CHD6: variants seen among roughly 807,000 people sequenced by gnomAD.
The protein encoded by CHD6 is chromodomain helicase DNA binding protein 6, also known as ATP-dependent chromatin remodeler CHD6.
A neutral mutation model predicts 276.9 loss-of-function variants in CHD6; 50 were observed. The observed-to-expected ratio is 0.18, with a 90% CI of 0.14 to 0.23. The LOEUF is 0.23. Among genes scored for constraint, CHD6 ranks in the 10% least tolerant of loss-of-function variants. The pLI, the probability that CHD6 is intolerant of heterozygous loss-of-function variation, is 1.00. For missense variants in CHD6, 2,564 were observed against 3,365.8 expected (o/e 0.76, Z 5.89); for synonymous variants, 1,173 against 1,229.3 (o/e 0.95, Z 0.96).
chr20:41,565,238 G>A (rs1260715887), intron 1 of CHD6, among the ~76,000 whole-genome samples: 1 of 151,938 alleles, frequency 6.6e-6, no homozygotes, highest in African/African-American at 2.4e-5. Flanking sequence ...TGGGATTACA[G>A]GTGCCTGCCA....
chr20:41,481,026 C>T (rs1345574859), intron 16 of CHD6, among the ~76,000 whole-genome samples: 1 of 151,786 alleles, frequency 6.6e-6, no homozygotes, highest in East Asian at 1.9e-4. Flanking sequence ...ATGGGAGGAC[C>T]ACTTCAGCCT....
chr20:41,443,331 G>T (rs979707271), intron 25 of CHD6, among the ~76,000 whole-genome samples: 1 of 152,188 alleles, frequency 6.6e-6, no homozygotes, highest in African/African-American at 2.4e-5. Context: ...AGTGATTAGG[G>T]ATTAGGAAAC....
Position 41,416,638 on chromosome 20 carries a change from C to T in CHD6, c.6436G>A (p.Ala2146Thr). Residue 2146 changes from alanine (A) to threonine (T), a missense_variant, in exon 33 of 37, where the codon GCA becomes ACA. Coordinates refer to ENST00000373233, the MANE Select transcript of CHD6 (RefSeq NM_032221.5). ...SRTSLSEPEA[A>T]EHSFSNGAAL... ...GCGCCGTTGCTGAAGCTGTGTTCTG[C>T]TGCTTCCGGCTCTGAGAGGCTGGTT... 6.2e-7 allele frequency: 1 copy of T among 1,613,922 alleles called. No individual in the cohort carries two copies. Among genetic ancestry groups the T allele is most frequent in the Non-Finnish European group, 8.5e-7 (1 of 1,179,962 alleles).
At chr20:41,429,480 C>T (rs1316321578) in intron 27 of CHD6, among the ~76,000 whole-genome samples, 1 of 152,172 alleles carries the variant, frequency 6.6e-6, no homozygotes, top group Non-Finnish European at 1.5e-5. Context: ...CTGAACGCCA[C>T]ATTTTAAGAG....
chr20:41,512,356 G>A (rs986514242), intron 5 of CHD6, among the ~76,000 whole-genome samples: 1 of 152,050 alleles, frequency 6.6e-6, no homozygotes, highest in African/African-American at 2.4e-5. Context: ...AGTGCTTTAA[G>A]GAAGTACACA....
chr20:41,489,659 T>G, intron 12 of CHD6, 119 bp downstream of exon 12: 1 of 1,324,116 alleles, frequency 7.6e-7, no homozygotes, highest in South Asian at 1.3e-5. Flanking sequence ...ACAAACATAT[T>G]ACAAAGTCAT....
At chr20:41,588,632 A>G (rs887561873) in intron 1 of CHD6, among the ~76,000 whole-genome samples, 1 of 152,170 alleles carries the variant, frequency 6.6e-6, no homozygotes, top group African/African-American at 2.4e-5. Context: ...CCAATGATTC[A>G]GTCTCCTACA....
At position 41,415,591 on chromosome 20, in the gene CHD6, C is replaced by A. The variant is rs1027805567; in HGVS notation, c.6534G>T (p.Arg2178Ser). The stretch of plus-strand genomic sequence containing the variant: ...TCTCCACCTCAAACTCATAGGGACG[C>A]CTGTGCTTTTGTTCATCCTTTGTGA... Reference protein sequence around the residue: ...PVFTKDEQKHRRPYEFEVERD... With the variant: ...PVFTKDEQKHSRPYEFEVERD... The change falls in exon 34 of 37, where the codon AGG becomes AGT. Residue 2178 changes from arginine to serine, a missense_variant. By Grantham distance (110) the Arg-to-Ser change is moderately radical (BLOSUM62 -1). This residue lies in a region of CHD6 where 1,024 missense variants were observed against 1,047.9 expected (regional missense o/e 0.98). Transcript: ENST00000373233. The A allele has an allele frequency of 9.5e-5, 153 of 1,611,216 alleles. No individual in the cohort carries two copies. The highest frequency in any genetic ancestry group is 1.2e-4 in the Non-Finnish European group (142 of 1,179,118).
At chr20:41,573,126 G>C (rs2146211891) in intron 1 of CHD6, among the ~76,000 whole-genome samples, 1 of 152,132 alleles carries the variant, frequency 6.6e-6, no homozygotes, top group South Asian at 2.1e-4. Context: ...AGCCAGGATG[G>C]TCTCGATTTC....
intron 3 of CHD6, among the ~76,000 whole-genome samples, chr20:41,516,492 T>G (rs1191541238): frequency 1.3e-5 from 2 of 152,118 alleles, no homozygotes; most frequent in Non-Finnish European, 2.9e-5. Flanking sequence ...GTATTCTTAT[T>G]CTCATTTTAT....
chr20:41,514,936 T>C lies in CHD6; in HGVS notation c.571A>G (p.Thr191Ala). 6.2e-7 allele frequency: 1 copy of C among 1,614,008 alleles called. No homozygotes were observed. Among genetic ancestry groups the C allele is most frequent in the Non-Finnish European group, 8.5e-7 (1 of 1,179,932 alleles). Reference protein sequence around the residue: ...SRKASKEQGPTPVEKKKKGKR... With the variant: ...SRKASKEQGPAPVEKKKKGKR... ...CCTTTCTTCTTTTTCTCCACTGGGG[T>C]TGGTCCTTGCTCCTTGCTACAAGGA... The change falls in exon 4 of 37, where the codon ACC becomes GCC. Residue 191 changes from threonine to alanine, a missense_variant. Physicochemically the swap from Thr to Ala is moderately conservative, Grantham distance 58. Coordinates refer to ENST00000373233, the MANE Select transcript of CHD6 (RefSeq NM_032221.5).
At chr20:41,526,755 C>T (rs999899892) in intron 3 of CHD6, among the ~76,000 whole-genome samples, 2 of 152,186 alleles carry the variant, frequency 1.3e-5, no homozygotes, top group East Asian at 1.9e-4. Flanking sequence ...TCCTAGCAGA[C>T]GTTACATATA....
At chr20:41,495,962 C>T (rs562242776) in intron 8 of CHD6, among the ~76,000 whole-genome samples, 1 of 152,322 alleles carries the variant, frequency 6.6e-6, no homozygotes, top group East Asian at 1.9e-4. Context: ...CAGGCTCTTA[C>T]CATTGTGCAG....
chr20:41,515,742 C>T (rs2044233801), intron 3 of CHD6, among the ~76,000 whole-genome samples: 1 of 152,204 alleles, frequency 6.6e-6, no homozygotes, highest in African/African-American at 2.4e-5. Flanking sequence ...TAAACATTTG[C>T]TATCCTGGAT....
chr20:41,586,585 C>G (rs1265113099), intron 1 of CHD6, among the ~76,000 whole-genome samples: 1 of 152,152 alleles, frequency 6.6e-6, no homozygotes, highest in African/African-American at 2.4e-5. Context: ...CGGCCCACCA[C>G]CATCTTGGGA....
chr20:41,586,346 C>T (rs1276674779), intron 1 of CHD6, among the ~76,000 whole-genome samples: 1 of 152,230 alleles, frequency 6.6e-6, no homozygotes, highest in Non-Finnish European at 1.5e-5. Context: ...GTGCCCATTG[C>T]CACTCCTGAT....
At chr20:41,405,596 C>G in intron 36 of CHD6, 107 bp from the exon 37 acceptor site, 1 of 826,166 alleles carries the variant, frequency 1.2e-6, no homozygotes, top group Non-Finnish European at 1.9e-6. Context: ...TCCAGCTGCA[C>G]GAAGGGTTCC....
At chr20:41,517,343 C>G (rs954662918) in intron 3 of CHD6, among the ~76,000 whole-genome samples, 1 of 151,974 alleles carries the variant, frequency 6.6e-6, no homozygotes, top group African/African-American at 2.4e-5. Flanking sequence ...GGCTTAATAC[C>G]TGGGGGATGA....
intron 36 of CHD6, among the ~76,000 whole-genome samples, chr20:41,411,442 C>G (rs1271756644): frequency 6.6e-6 from 1 of 151,858 alleles, no homozygotes; most frequent in Admixed American, 6.6e-5. Flanking sequence ...GCAAAAGTCC[C>G]CATGAGCATC....
Sources: gnomAD v4.1 joint callset for allele counts (sites outside exome capture counted in the v4.1 genomes callset) on GRCh38, gnomAD v4.1.1 for gene constraint, gnomAD v4.1.1 regional missense constraint, MANE v1.5 for transcripts, NCBI Gene and HGNC (gene_info 2026-07-23, HGNC 2026-07-21) for gene names.